Variants in ANKRD17 observed in about 807,000 individuals in gnomAD.
ANKRD17 encodes ankyrin repeat domain-containing protein 17.
In ANKRD17, 19 loss-of-function variants were observed where a neutral mutation model predicts 229.7. The ratio of observed to expected loss-of-function variants is 0.08; its 90% CI spans 0.06 to 0.12. The LOEUF (loss-of-function observed/expected upper bound fraction) is 0.12. Ranked by LOEUF, ANKRD17 falls within the 10% of genes least tolerant of loss-of-function variation. ANKRD17 has a pLI of 1.00. For missense variants in ANKRD17, 2,176 were observed against 3,176.8 expected, an observed-to-expected ratio of 0.68 and a Z score of 7.57; for synonymous variants, 1,112 against 1,146.1, an observed-to-expected ratio of 0.97 and a Z score of 0.60.
intron 2 of ANKRD17, among the ~76,000 whole-genome samples, chr4:73,162,917 T>C (rs998423894): frequency 1.3e-5 from 2 of 151,912 alleles, no homozygotes; most frequent in Non-Finnish European, 2.9e-5. Flanking sequence ...TGAAGTACAG[T>C]GGCATGATCA....
At chr4:73,172,216 T>C (rs977038340) in intron 2 of ANKRD17, among the ~76,000 whole-genome samples, 1 of 152,102 alleles carries the variant, frequency 6.6e-6, no homozygotes, top group African/African-American at 2.4e-5. Flanking sequence ...CTCCAATACA[T>C]CTAGCAGCAG....
intron 1 of ANKRD17, among the ~76,000 whole-genome samples, chr4:73,225,891 A>AAAAG (rs1742427704): frequency 6.7e-6 from 1 of 150,062 alleles, no homozygotes; most frequent in African/African-American, 2.4e-5. Flanking sequence ...AAAAAGAAAG[A>AAAAG]AAAGAAAAAA....
chr4:73,148,774 T>C, intron 8 of ANKRD17, 39 bp downstream of exon 8: 1 of 1,553,406 alleles, frequency 6.4e-7, no homozygotes, highest in Non-Finnish European at 8.9e-7. Flanking sequence ...TCTTAGGTTT[T>C]ACACATTTAT....
chr4:73,197,163 G>C (rs540787278), intron 1 of ANKRD17, among the ~76,000 whole-genome samples: 57 of 152,226 alleles, frequency 3.7e-4, no homozygotes, highest in African/African-American at 1.2e-3. Context: ...CCAGCTACAA[G>C]AGGGGCTCTT....
At chr4:73,086,305 T>A (rs1473985238) in intron 29 of ANKRD17, among the ~76,000 whole-genome samples, 1 of 152,174 alleles carries the variant, frequency 6.6e-6, no homozygotes, top group Non-Finnish European at 1.5e-5. Flanking sequence ...AAAACGAATG[T>A]ATGTGTATTT....
chr4:73,199,251 G>A (rs1204820987), intron 1 of ANKRD17, among the ~76,000 whole-genome samples: 3 of 151,468 alleles, frequency 2.0e-5, no homozygotes, highest in African/African-American at 7.3e-5. Context: ...GTGTGTGTGT[G>A]TGTGTGTTGG....
intron 1 of ANKRD17, among the ~76,000 whole-genome samples, chr4:73,248,442 T>C (rs1051424387): frequency 6.6e-6 from 1 of 152,070 alleles, no homozygotes; most frequent in Non-Finnish European, 1.5e-5. Flanking sequence ...AAATTATTAC[T>C]AGTTTTATCT....
intron 3 of ANKRD17, 68 bp from the exon 4 acceptor site, chr4:73,156,234 G>GT: frequency 6.7e-7 from 1 of 1,483,250 alleles, no homozygotes; most frequent in South Asian, 1.4e-5. Flanking sequence ...CATAAATATT[G>GT]TTTTTGATTG....
chr4:73,135,170 T>C lies in ANKRD17; in HGVS notation c.3181A>G (p.Ile1061Val), dbSNP rs751107688. The C allele has an allele frequency of 1.2e-6, 2 of 1,613,722 alleles. No homozygotes were observed. Among genetic ancestry groups the C allele is most frequent in the Admixed American group, 1.7e-5 (1 of 59,992 alleles). Residue 1061 changes from isoleucine (I) to valine (V), a missense_variant, in exon 16 of 34, where the codon ATC becomes GTC. Ile to Val is a conservative substitution (Grantham distance 29). Around this residue, in one of 18 missense-constraint regions of ANKRD17, gnomAD observed 230 missense variants for 252.3 expected, o/e 0.91. Coordinates refer to ENST00000358602, the MANE Select transcript of ANKRD17 (RefSeq NM_032217.5). ...QPQTPTPSPIISPSAMLPIYP... is the reference protein window; with the variant it reads ...QPQTPTPSPIVSPSAMLPIYP... ...ATAGGAAGCATGGCTGAAGGAGAGATGATAGGACTTGGAGTTGGAGTCTGA... is the reference window on the plus strand; with the variant it reads ...ATAGGAAGCATGGCTGAAGGAGAGACGATAGGACTTGGAGTTGGAGTCTGA...
chr4:73,141,501 T>C (rs928634278), intron 14 of ANKRD17, among the ~76,000 whole-genome samples: 2 of 152,236 alleles, frequency 1.3e-5, no homozygotes, highest in Non-Finnish European at 2.9e-5. Flanking sequence ...AAGGAAATCA[T>C]GGATAATCAG....
chr4:73,125,179 A>C (rs757173615), intron 17 of ANKRD17, 22 bp downstream of exon 17: 64 of 1,593,016 alleles, frequency 4.0e-5, no homozygotes, highest in Non-Finnish European at 5.3e-5. Flanking sequence ...ATTCCAAAAA[A>C]TAAAACAAAA....
At chr4:73,104,382 T>C (rs1030408286) in intron 24 of ANKRD17, among the ~76,000 whole-genome samples, 14 of 152,128 alleles carry the variant, frequency 9.2e-5, no homozygotes, top group African/African-American at 3.4e-4. Context: ...TGGACCCCAG[T>C]GAAGGAGGGA....
intron 21 of ANKRD17, 110 bp downstream of exon 21, chr4:73,120,052 A>G (rs775354013): frequency 1.1e-5 from 14 of 1,226,142 alleles, no homozygotes; most frequent in Non-Finnish European, 1.6e-5. Flanking sequence ...ACTTGTTTAT[A>G]AAAGAAGAAA....
At position 73,179,466 on chromosome 4, in the gene ANKRD17, ATGTGTG is replaced by A. The variant is rs55769249; in HGVS notation, c.394-1939_394-1934del. Among the ~76,000 whole-genome samples the A allele has an allele frequency of 4.0e-3, 242 of 60,732 alleles. 5 individuals carry two copies. The highest frequency in any genetic ancestry group is 0.028 in the East Asian group (51 of 1,816). 39.8% of individuals were successfully genotyped at this position (60,732 alleles called of 152,430 possible). A position where few individuals can be genotyped will look rare whatever the true frequency, so the allele number is the denominator to read the frequency against. ...TATATATCTGTGTATATATGTATATATGTGTGTGTGTGTGTGTGTGTGTATATATAT... is the reference window on the plus strand; with the variant it reads ...TATATATCTGTGTATATATGTATATATGTGTGTGTGTGTGTGTATATATAT... On this transcript the variant is annotated intron_variant, in intron 1 of 33. Coordinates refer to ENST00000358602, the MANE Select transcript of ANKRD17 (RefSeq NM_032217.5).
chr4:73,147,127 T>C (rs1578188823), intron 9 of ANKRD17, 114 bp downstream of exon 9: 1 of 1,051,024 alleles, frequency 9.5e-7, no homozygotes, highest in African/African-American at 1.6e-5. Flanking sequence ...ATATCACACG[T>C]TTTTTTAAAC....
intron 27 of ANKRD17, 88 bp downstream of exon 27, chr4:73,097,029 G>T: frequency 6.9e-7 from 1 of 1,443,994 alleles, no homozygotes; most frequent in Non-Finnish European, 9.3e-7. Context: ...GCAACCTTTA[G>T]AAGAGTAGGA....
chr4:73,123,889 A>G (rs533121642), intron 18 of ANKRD17, among the ~76,000 whole-genome samples: 1 of 152,120 alleles, frequency 6.6e-6, no homozygotes, highest in South Asian at 2.1e-4. Flanking sequence ...TACATATAAT[A>G]TTTTAAGAAG....
At chr4:73,095,409 T>C (rs1335001605) in intron 27 of ANKRD17, among the ~76,000 whole-genome samples, 2 of 151,748 alleles carry the variant, frequency 1.3e-5, no homozygotes, top group Non-Finnish European at 1.5e-5. Flanking sequence ...AAGACCAGCC[T>C]GGCCAACATG....
At chr4:73,202,318 T>TAAAAA (rs10533861) in intron 1 of ANKRD17, among the ~76,000 whole-genome samples, 14 of 21,934 alleles carry the variant, frequency 6.4e-4, no homozygotes, top group African/African-American at 7.6e-4. Flanking sequence ...GGAACAGGAT[T>TAAAAA]AAAAAAAAAA....
Sources: gnomAD v4.1 joint callset for allele counts (sites outside exome capture counted in the v4.1 genomes callset) on GRCh38, gnomAD v4.1.1 for gene constraint, gnomAD v4.1.1 regional missense constraint, MANE v1.5 for transcripts, NCBI Gene and HGNC (gene_info 2026-07-23, HGNC 2026-07-21) for gene names.